Variants in USP12 observed in about 807,000 individuals in gnomAD.
USP12 encodes ubiquitin specific peptidase 12, also known as ubiquitin carboxyl-terminal hydrolase 12.
In USP12, 19 loss-of-function variants were observed where a neutral mutation model predicts 45.5. That is an observed-to-expected ratio of 0.42 (90% CI 0.29 to 0.61). USP12 has a LOEUF of 0.61. Among genes scored for constraint, USP12 ranks in the 20% least tolerant of loss-of-function variants. The pLI is 0.22. For missense variants in USP12, 242 were observed against 447.7 expected (o/e 0.54, Z 4.15); for synonymous variants, 149 against 148.8 (o/e 1.00, Z -0.01).
At chr13:27,157,870 T>C (rs1877911470) in intron 1 of USP12, among the ~76,000 whole-genome samples, 1 of 152,132 alleles carries the variant, frequency 6.6e-6, no homozygotes, top group Non-Finnish European at 1.5e-5. Flanking sequence ...TTTGTATCAG[T>C]TTACATTATT....
intron 1 of USP12, among the ~76,000 whole-genome samples, chr13:27,116,951 T>C (rs934516273): frequency 6.6e-6 from 1 of 152,104 alleles, no homozygotes; most frequent in African/African-American, 2.4e-5. Flanking sequence ...AATGACGAAA[T>C]GGCCTAACGA....
chr13:27,108,920 G>A (rs566727403), intron 2 of USP12, among the ~76,000 whole-genome samples: 7 of 152,296 alleles, frequency 4.6e-5, no homozygotes, highest in South Asian at 2.1e-4. Context: ...GGGCTTGGGC[G>A]ACAGAATGAG....
chr13:27,116,620 T>A (rs1453718266), intron 1 of USP12, 24 bp from the exon 2 acceptor site: 2 of 1,606,614 alleles, frequency 1.2e-6, no homozygotes, highest in Non-Finnish European at 1.7e-6. Flanking sequence ...AACAAAAATC[T>A]TAGTATTTAT....
chr13:27,123,859 C>T (rs539129392), intron 1 of USP12, among the ~76,000 whole-genome samples: 2 of 152,252 alleles, frequency 1.3e-5, no homozygotes, highest in African/African-American at 4.8e-5. Context: ...AATACATAGG[C>T]AATGGGGCAA....
At chr13:27,142,650 A>G (rs1304539147) in intron 1 of USP12, among the ~76,000 whole-genome samples, 1 of 152,220 alleles carries the variant, frequency 6.6e-6, no homozygotes, top group Non-Finnish European at 1.5e-5. Flanking sequence ...CTGTAAATTC[A>G]AGATTTATCA....
At position 27,095,589 on chromosome 13, in the gene USP12, T is replaced by A; in HGVS notation, c.573+12A>T. The A allele has an allele frequency of 6.4e-7, 1 of 1,563,916 alleles. No homozygotes were observed. Among genetic ancestry groups the A allele is most frequent in the Non-Finnish European group, 8.7e-7 (1 of 1,151,164 alleles). On this transcript the variant is annotated intron_variant, in intron 4 of 8. Coordinates refer to ENST00000282344, the MANE Select transcript of USP12 (RefSeq NM_182488.4). ...CAATTTTTCTCTATACAAAATTGTATGATATACTTACAGTTTCACAAGTAA... is the reference window on the plus strand; with the variant it reads ...CAATTTTTCTCTATACAAAATTGTAAGATATACTTACAGTTTCACAAGTAA...
chr13:27,161,888 T>TA (rs893548415), intron 1 of USP12, among the ~76,000 whole-genome samples: 22 of 112,590 alleles, frequency 2.0e-4, no homozygotes, highest in South Asian at 5.1e-4. Context: ...TCTCAAAAAA[T>TA]AAAAAAAAAT....
At chr13:27,156,055 T>TG (rs1164482992) in intron 1 of USP12, among the ~76,000 whole-genome samples, 1 of 152,132 alleles carries the variant, frequency 6.6e-6, no homozygotes, top group African/African-American at 2.4e-5. Context: ...TATCAACAGT[T>TG]GCTAAAAACC....
At chr13:27,086,692 G>A (rs1874061730) in intron 6 of USP12, among the ~76,000 whole-genome samples, 1 of 152,042 alleles carries the variant, frequency 6.6e-6, no homozygotes, top group African/African-American at 2.4e-5. Flanking sequence ...GCTCACAGAT[G>A]GGCCTTCCTC....
Position 27,171,733 on chromosome 13 carries a change from G to GGACCCCGAGCCGCCGCGGACC in USP12, c.-115_-95dup. 1 of 832,754 alleles carries GGACCCCGAGCCGCCGCGGACC rather than the reference G, an allele frequency of 1.2e-6. No homozygotes were observed. Among genetic ancestry groups the GGACCCCGAGCCGCCGCGGACC allele is most frequent in the Non-Finnish European group, 1.5e-6 (1 of 667,228 alleles). The allele number at this position is 832,754 out of a possible 1,614,324, so 51.6% of individuals were successfully genotyped here. On this transcript the variant is annotated 5_prime_UTR_variant, in exon 1 of 9. Transcript: ENST00000282344. Reference sequence around the variant, plus strand: ...CCCGCTCGCACCGCAGCCCGCGGGCGGACCCCGAGCCGCCGCGGACCCAAC... The same window carrying GGACCCCGAGCCGCCGCGGACC: ...CCCGCTCGCACCGCAGCCCGCGGGCGGACCCCGAGCCGCCGCGGACCGACCCCGAGCCGCCGCGGACCCAAC...
intron 1 of USP12, among the ~76,000 whole-genome samples, chr13:27,164,433 T>C (rs1335092645): frequency 6.6e-6 from 1 of 152,216 alleles, no homozygotes; most frequent in African/African-American, 2.4e-5. Flanking sequence ...AAGAAGCTAA[T>C]GGTCCTTCTG....
chr13:27,149,570 A>T (rs1419632510), intron 1 of USP12, among the ~76,000 whole-genome samples: 1 of 152,218 alleles, frequency 6.6e-6, no homozygotes, highest in Non-Finnish European at 1.5e-5. Context: ...AATTGTATTG[A>T]TCTCATAAAA....
intron 1 of USP12, among the ~76,000 whole-genome samples, chr13:27,119,701 A>G (rs528993911): frequency 2.0e-5 from 3 of 152,358 alleles, no homozygotes; most frequent in East Asian, 3.9e-4. Flanking sequence ...AACTCCAGGG[A>G]AGTCTAAGAC....
intron 3 of USP12, among the ~76,000 whole-genome samples, chr13:27,102,328 G>A (rs1048164620): frequency 1.3e-5 from 2 of 152,106 alleles, no homozygotes; most frequent in Non-Finnish European, 2.9e-5. Flanking sequence ...TTTCCTACCT[G>A]GGTACTGCAA....
chr13:27,147,767 A>G (rs1057266812), intron 1 of USP12, among the ~76,000 whole-genome samples: 3 of 152,164 alleles, frequency 2.0e-5, no homozygotes, highest in Non-Finnish European at 4.4e-5. Flanking sequence ...GAAAGGAAAA[A>G]AAAAATTTTA....
At chr13:27,158,449 C>G (rs560609154) in intron 1 of USP12, among the ~76,000 whole-genome samples, 1 of 152,300 alleles carries the variant, frequency 6.6e-6, no homozygotes, top group African/African-American at 2.4e-5. Context: ...GGGATACATT[C>G]TGAGAAATTG....
chr13:27,073,789 T>C (rs1055002095), intron 7 of USP12, among the ~76,000 whole-genome samples: 6 of 152,222 alleles, frequency 3.9e-5, no homozygotes, highest in Non-Finnish European at 8.8e-5. Flanking sequence ...TGGTAATTAG[T>C]ATTATTTACA....
At chr13:27,153,853 T>A (rs1877694560) in intron 1 of USP12, among the ~76,000 whole-genome samples, 3 of 152,214 alleles carry the variant, frequency 2.0e-5, no homozygotes, top group African/African-American at 7.2e-5. Context: ...TTCTTCAGAC[T>A]TACAAGCAAA....
chr13:27,152,007 G>A (rs930741718), intron 1 of USP12, among the ~76,000 whole-genome samples: 4 of 152,092 alleles, frequency 2.6e-5, no homozygotes, highest in African/African-American at 9.7e-5. Context: ...CAGATAACAA[G>A]TACCAATGGG....
Sources: gnomAD v4.1 joint callset for allele counts (sites outside exome capture counted in the v4.1 genomes callset) on GRCh38, gnomAD v4.1.1 for gene constraint, MANE v1.5 for transcripts, NCBI Gene and HGNC (gene_info 2026-07-23, HGNC 2026-07-21) for gene names.